The following GABRB2 variants were observed in gnomAD, a reference collection of about 807,000 sequenced individuals.
GABRB2 encodes the protein gamma-aminobutyric acid receptor subunit beta-2.
A neutral mutation model predicts 54.7 loss-of-function variants in GABRB2; 16 were observed. The observed-to-expected ratio is 0.29, with a 90% CI of 0.20 to 0.44. The LOEUF (loss-of-function observed/expected upper bound fraction) is 0.44. GABRB2 is among the 20% of genes least tolerant of loss of function. GABRB2 has a pLI of 1.00. For missense variants in GABRB2, 355 were observed against 644.0 expected (o/e 0.55, Z 4.86); for synonymous variants, 244 against 233.8 (o/e 1.04, Z -0.40).
At chr5:161,387,032 C>CG (rs989584358) in intron 5 of GABRB2, among the ~76,000 whole-genome samples, 3 of 151,116 alleles carry the variant, frequency 2.0e-5, no homozygotes, top group Middle Eastern at 3.4e-3. Flanking sequence ...CTCTGGGGAA[C>CG]GGGGGGGAGG....
At chr5:161,374,763 G>A (rs1755237501) in intron 5 of GABRB2, among the ~76,000 whole-genome samples, 1 of 151,946 alleles carries the variant, frequency 6.6e-6, no homozygotes, top group African/African-American at 2.4e-5. Flanking sequence ...TTCCCTACAT[G>A]GTCTTACTGA....
chr5:161,389,268 T>C (rs1011201052), intron 5 of GABRB2, among the ~76,000 whole-genome samples: 1 of 152,010 alleles, frequency 6.6e-6, no homozygotes, highest in Admixed American at 6.6e-5. Context: ...ATGGTTCAGT[T>C]TAGTAGGTGT....
chr5:161,504,606 C>T (rs1759546675), intron 3 of GABRB2, among the ~76,000 whole-genome samples: 1 of 150,966 alleles, frequency 6.6e-6, no homozygotes, highest in Non-Finnish European at 1.5e-5. Context: ...GGAAGAAAGC[C>T]TTAACATTAA....
At chr5:161,370,548 A>C (rs1010955907) in intron 5 of GABRB2, among the ~76,000 whole-genome samples, 1 of 152,146 alleles carries the variant, frequency 6.6e-6, no homozygotes, top group African/African-American at 2.4e-5. Flanking sequence ...CTGCTCTGTG[A>C]CTTCCTATGG....
At chr5:161,322,143 T>C (rs2113382168) in intron 9 of GABRB2, among the ~76,000 whole-genome samples, 1 of 152,252 alleles carries the variant, frequency 6.6e-6, no homozygotes, top group South Asian at 2.1e-4. Flanking sequence ...CAAAAGAATA[T>C]AGTAATAAAA....
chr5:161,496,681 T>C (rs1488950208), intron 3 of GABRB2, among the ~76,000 whole-genome samples: 1 of 152,070 alleles, frequency 6.6e-6, no homozygotes, highest in Non-Finnish European at 1.5e-5. Flanking sequence ...TTTTTAAAAT[T>C]TAAAACGTAT....
At chr5:161,546,850 G>A (rs1454674697), upstream of GABRB2, 15 of 1,057,538 alleles carry the variant, frequency 1.4e-5, no homozygotes, top group Non-Finnish European at 1.3e-6. Context: ...ACATGTATAT[G>A]TATAATACAT....
At chr5:161,488,795 A>G (rs563056418) in intron 3 of GABRB2, among the ~76,000 whole-genome samples, 1 of 151,874 alleles carries the variant, frequency 6.6e-6, no homozygotes, top group Admixed American at 6.6e-5. Flanking sequence ...TTCTGAGAAA[A>G]AAAATATTTA....
At chr5:161,356,439 T>C (rs562738831) in intron 5 of GABRB2, among the ~76,000 whole-genome samples, 58 of 152,252 alleles carry the variant, frequency 3.8e-4, no homozygotes, top group Non-Finnish European at 6.8e-4. Flanking sequence ...CTCCCCTCCA[T>C]AGCCCCTGAT....
In GABRB2 at chr5:161,521,723, A is replaced by G. The variant is rs181366321; in HGVS notation, c.237+23504T>C. Among the ~76,000 whole-genome samples, 533 of 152,018 alleles carry G rather than the reference A, an allele frequency of 3.5e-3. 6 individuals are homozygous for G. Among genetic ancestry groups the G allele is most frequent in the African/African-American group, 0.012 (507 of 41,534 alleles). On this transcript the variant is annotated intron_variant, in intron 3 of 9. Transcript: ENST00000393959. ...GGAAACGCCACTGGTAAAACAGAGT[A>G]AAGTTCAGAATGTGATAGCTCTTAA...
At chr5:161,455,320 C>T (rs1757919595) in intron 4 of GABRB2, among the ~76,000 whole-genome samples, 1 of 152,124 alleles carries the variant, frequency 6.6e-6, no homozygotes. Flanking sequence ...GATCATGGAT[C>T]TCACCCACTG....
chr5:161,531,790 TG>T (rs1341462318), intron 3 of GABRB2, among the ~76,000 whole-genome samples: 17 of 152,222 alleles, frequency 1.1e-4, no homozygotes, highest in Non-Finnish European at 2.4e-4. Flanking sequence ...CATTACAGCT[TG>T]CTTATATTTC....
chr5:161,371,209 G>A (rs139362198), intron 5 of GABRB2, among the ~76,000 whole-genome samples: 2,920 of 152,088 alleles, frequency 0.019, 39 homozygotes, highest in Middle Eastern at 0.082. Flanking sequence ...CCCATGATCT[G>A]GGCAGAAACT....
intron 5 of GABRB2, among the ~76,000 whole-genome samples, chr5:161,391,789 T>G (rs562968312): frequency 6.6e-6 from 1 of 152,208 alleles, no homozygotes; most frequent in African/African-American, 2.4e-5. Context: ...AATGGAAAAT[T>G]TTGCTTTTCT....
At chr5:161,314,687 C>T (rs1757972561) in intron 9 of GABRB2, among the ~76,000 whole-genome samples, 1 of 151,906 alleles carries the variant, frequency 6.6e-6, no homozygotes, top group Non-Finnish European at 1.5e-5. Context: ...TTCTCTCTCC[C>T]CCCTCTTTCT....
intron 4 of GABRB2, among the ~76,000 whole-genome samples, chr5:161,439,680 T>G (rs1042881139): frequency 6.6e-6 from 1 of 151,704 alleles, no homozygotes; most frequent in Non-Finnish European, 1.5e-5. Flanking sequence ...AAGAGTAGAA[T>G]TTTTATTAGT....
At chr5:161,543,311 G>T (rs1410593134) in intron 3 of GABRB2, among the ~76,000 whole-genome samples, 1 of 151,950 alleles carries the variant, frequency 6.6e-6, no homozygotes, top group Non-Finnish European at 1.5e-5. Context: ...GTTGCATGTA[G>T]GCAAAAAATG....
chr5:161,456,760 T>C (rs1002927425), intron 4 of GABRB2, among the ~76,000 whole-genome samples: 1 of 152,174 alleles, frequency 6.6e-6, no homozygotes, highest in African/African-American at 2.4e-5. Flanking sequence ...TAACTACTGA[T>C]ATTAATATTA....
intron 3 of GABRB2, among the ~76,000 whole-genome samples, chr5:161,465,986 A>T (rs1156802725): frequency 6.6e-6 from 1 of 152,058 alleles, no homozygotes; most frequent in African/African-American, 2.4e-5. Context: ...CAAGGATCCA[A>T]CCCAAGAACC....
Sources: allele counts gnomAD v4.1 joint callset (sites outside exome capture counted in the v4.1 genomes callset), GRCh38; gene constraint gnomAD v4.1.1; transcripts MANE v1.5; gene names NCBI Gene and HGNC (gene_info 2026-07-23, HGNC 2026-07-21).